KIF26A: variants seen among roughly 807,000 people sequenced by gnomAD.
KIF26A encodes the protein kinesin-like protein KIF26A.
KIF26A carries 74 observed loss-of-function variants against 126.0 expected under a neutral mutation model. The observed-to-expected ratio is 0.59, with a 90% confidence interval of 0.49 to 0.71. The LOEUF (loss-of-function observed/expected upper bound fraction) is 0.71, where lower values mean the gene tolerates loss of function less well. KIF26A is among the 30% of genes least tolerant of loss of function. The probability of loss-of-function intolerance (pLI) is 0.00; values close to 1 mark genes in which losing one functional copy is unlikely to be tolerated. For synonymous variants in KIF26A, 1,445 were observed against 1,232.7 expected (o/e 1.17, Z -3.61); for missense variants, 2,984 against 2,763.3 (o/e 1.08, Z -1.79).
rs879590138 is a variant in KIF26A, at chr14:104,151,218, G to A, written c.289-797G>A. Among the ~76,000 whole-genome samples the A allele has an allele frequency of 2.6e-5, 4 of 152,202 alleles. No homozygotes were observed. The highest frequency in any genetic ancestry group is 5.9e-5 in the Non-Finnish European group (4 of 68,040). ...GCCTTCCCTGACTCTGAGGCTGGGTGAGGCGCATCCTCCTCTGGGTTCTTC... is the reference window on the plus strand; with the variant it reads ...GCCTTCCCTGACTCTGAGGCTGGGTAAGGCGCATCCTCCTCTGGGTTCTTC... On this transcript the variant is annotated intron_variant, in intron 2 of 14. Transcript: ENST00000423312. The surrounding 1 kb of genome is among the most constrained non-coding windows in gnomAD (Gnocchi z 4.9).
chr14:104,172,681 G>A lies in KIF26A; in HGVS notation c.1420+13G>A. ...CACATGAGCCTGGGTAAGCACCCTT[G>A]CCCCACCCTAGATGGGTCCTGCTGG... On this transcript the variant is annotated intron_variant, in intron 7 of 14. Coordinates refer to ENST00000423312, the MANE Select transcript of KIF26A (RefSeq NM_015656.2). 3.1e-6 allele frequency: 5 copies of A among 1,598,528 alleles called. No homozygotes were observed. Among genetic ancestry groups the A allele is most frequent in the Non-Finnish European group, 2.6e-6 (3 of 1,167,724 alleles).
At chr14:104,150,162 C>T (rs2037713987) in intron 2 of KIF26A, among the ~76,000 whole-genome samples, 1 of 110,246 alleles carries the variant, frequency 9.1e-6, no homozygotes, top group Admixed American at 9.2e-5. Flanking sequence ...TCCTCCTCCC[C>T]CTTCCCCTTC....
At chr14:104,174,942 G>T in intron 11 of KIF26A, 40 bp from the exon 12 acceptor site, 4 of 1,483,034 alleles carry the variant, frequency 2.7e-6, no homozygotes, top group Non-Finnish European at 3.6e-6. Flanking sequence ...GGGGCGTGTA[G>T]GGGAGACTGG....
At chr14:104,144,919 G>A (rs1033848693) in intron 2 of KIF26A, among the ~76,000 whole-genome samples, 3 of 152,238 alleles carry the variant, frequency 2.0e-5, no homozygotes, top group African/African-American at 4.8e-5. Context: ...AGCTTGTGCT[G>A]TTGGGGGGAG....
intron 2 of KIF26A, among the ~76,000 whole-genome samples, chr14:104,142,688 C>T (rs2037647854): frequency 6.6e-6 from 1 of 152,172 alleles, no homozygotes; most frequent in African/African-American, 2.4e-5. Flanking sequence ...CTAAGGCCCC[C>T]CTCGCTTCCC....
rs564468827 is a variant in KIF26A at position 104,178,361 on chromosome 14, G to A, written c.5111-189G>A. Among the ~76,000 whole-genome samples, 12 of 152,248 alleles carry A rather than the reference G, an allele frequency of 7.9e-5. No individual in the cohort carries two copies. The East Asian group carries it at 2.3e-3, about 29-fold the overall frequency. Reference sequence around the variant, plus strand: ...CCCTGGTGGTGGTGGGGGCGCCCTTGAGAGCTGTGGGCCTGGCTTGGGGTC... The same window carrying A: ...CCCTGGTGGTGGTGGGGGCGCCCTTAAGAGCTGTGGGCCTGGCTTGGGGTC... On this transcript the variant is annotated intron_variant, in intron 12 of 14. Coordinates refer to ENST00000423312, the MANE Select transcript of KIF26A (RefSeq NM_015656.2).
intron 2 of KIF26A, among the ~76,000 whole-genome samples, chr14:104,149,492 C>T (rs78031701): frequency 0.012 from 1,903 of 152,284 alleles, 29 homozygotes; most frequent in African/African-American, 0.043. Flanking sequence ...TTGATGGGCC[C>T]CCCTCCAGCA....
At chr14:104,173,907 C>T in intron 10 of KIF26A, 39 bp downstream of exon 10, 1 of 1,530,046 alleles carries the variant, frequency 6.5e-7, no homozygotes, top group African/African-American at 1.4e-5. Context: ...CCAGGGTGGC[C>T]CCTTGGTGAC....
intron 2 of KIF26A, among the ~76,000 whole-genome samples, chr14:104,141,869 C>T (rs1312926918): frequency 1.3e-5 from 2 of 152,244 alleles, no homozygotes; most frequent in African/African-American, 4.8e-5. Context: ...AGTTCTTGGC[C>T]ACTGTTTCCT....
chr14:104,170,661 C>T (rs2037948218), intron 5 of KIF26A, among the ~76,000 whole-genome samples: 1 of 152,268 alleles, frequency 6.6e-6, no homozygotes, highest in Non-Finnish European at 1.5e-5. Flanking sequence ...CGTTGGAGCC[C>T]TGGTTCAGGG....
intron 4 of KIF26A, among the ~76,000 whole-genome samples, chr14:104,160,264 T>C (rs559986484): frequency 1.9e-4 from 29 of 151,968 alleles, no homozygotes; most frequent in African/African-American, 7.0e-4. Context: ...GGTCAGGAGT[T>C]TGAGTTTTTG....
chr14:104,162,053 G>T (rs1235863752), intron 4 of KIF26A, among the ~76,000 whole-genome samples: 3 of 152,368 alleles, frequency 2.0e-5, no homozygotes, highest in African/African-American at 4.8e-5. Flanking sequence ...AGCCAGATGG[G>T]GGCTGCTGTG....
At chr14:104,174,830 C>T (rs913486914) in intron 11 of KIF26A, among the ~76,000 whole-genome samples, 152 bp from the exon 12 acceptor site, 4 of 152,220 alleles carry the variant, frequency 2.6e-5, no homozygotes, top group African/African-American at 7.2e-5. Flanking sequence ...GACTCAGTTC[C>T]GCTCCCAGCG....
At chr14:104,172,125 C>G (rs1002200019) in intron 6 of KIF26A, among the ~76,000 whole-genome samples, 190 bp downstream of exon 6, 5 of 152,376 alleles carry the variant, frequency 3.3e-5, no homozygotes, top group African/African-American at 9.6e-5. Flanking sequence ...GTGTCTCCAT[C>G]CGCCCCTGCC....
chr14:104,139,051 G>A lies in KIF26A; in HGVS notation c.51G>A (p.Glu17=). The change falls in exon 2 of 15, where the codon GAG becomes GAA. Residue 17 remains glutamate (E), a synonymous_variant. Transcript: ENST00000423312. ...PLCAAQPAVA[E]GGPAREPPPL... ...GCCCCCACACCCTGCAGGTGGCCGA[G>A]GGCGGCCCGGCCCGCGAGCCGCCGC... The A allele has an allele frequency of 7.3e-7, 1 of 1,370,588 alleles. No individual in the cohort carries two copies. The allele number at this position is 1,370,588 out of a possible 1,614,324, so 84.9% of individuals were successfully genotyped here.
At position 104,176,168 on chromosome 14, in the gene KIF26A, C is replaced by T. The variant is rs780922950; in HGVS notation, c.3380C>T (p.Pro1127Leu). The change falls in exon 12 of 15, where the codon CCC becomes CTC. Residue 1127 changes from proline (P) to leucine (L), a missense_variant. By Grantham distance (98) the Pro-to-Leu change is moderately conservative (BLOSUM62 -3). Coordinates refer to ENST00000423312, the MANE Select transcript of KIF26A (RefSeq NM_015656.2). Reference protein sequence around the residue: ...VSVCTADSRDPTPQPRFSPDS... With the variant: ...VSVCTADSRDLTPQPRFSPDS... ...GTCTGCACTGCCGACAGCCGTGACC[C>T]CACGCCGCAGCCCCGCTTCAGCCCC... is the stretch of plus-strand genomic sequence containing the variant. 6.3e-7 allele frequency: 1 copy of T among 1,591,974 alleles called. No individual in the cohort carries two copies. The highest frequency in any genetic ancestry group is 1.3e-5 in the African/African-American group (1 of 74,490).
At chr14:104,159,567 G>A (rs1388097340) in intron 4 of KIF26A, among the ~76,000 whole-genome samples, 2 of 152,220 alleles carry the variant, frequency 1.3e-5, no homozygotes, top group Non-Finnish European at 2.9e-5. Flanking sequence ...AGCCGAGGCC[G>A]GTGCCGCTTG....
In KIF26A at chr14:104,163,913, G is replaced by A. The variant is rs1244516110; in HGVS notation, c.924-2946G>A. Among the ~76,000 whole-genome samples the A allele has an allele frequency of 2.0e-5, 3 of 152,232 alleles. No homozygotes were observed. The East Asian group carries it at 5.9e-4, about 30-fold the overall frequency. On this transcript the variant is annotated intron_variant, in intron 4 of 14. Transcript: ENST00000423312. ...CTACCGGGGCTTCTCCTGGGTAGCCGTGGGTTTGGTTCCTGGGATTCTTCC... is the reference window on the plus strand; with the variant it reads ...CTACCGGGGCTTCTCCTGGGTAGCCATGGGTTTGGTTCCTGGGATTCTTCC...
chr14:104,157,172 G>A (rs61120663), intron 3 of KIF26A, among the ~76,000 whole-genome samples: 17 of 152,286 alleles, frequency 1.1e-4, no homozygotes, highest in East Asian at 9.6e-4. Flanking sequence ...GTTTAATTAC[G>A]TTTGTGCTTC....
Sources: gnomAD v4.1 joint callset for allele counts (sites outside exome capture counted in the v4.1 genomes callset) on GRCh38, gnomAD v4.1.1 for gene constraint, Gnocchi (gnomAD v3.1) non-coding constraint, MANE v1.5 for transcripts, NCBI Gene and HGNC (gene_info 2026-07-23, HGNC 2026-07-21) for gene names.